Variants in MTR observed in about 807,000 individuals in gnomAD.
The protein encoded by MTR is methionine synthase.
A neutral mutation model predicts 154.8 loss-of-function variants in MTR; 84 were observed. The ratio of observed to expected loss-of-function variants is 0.54; its 90% CI spans 0.45 to 0.65. The LOEUF (loss-of-function observed/expected upper bound fraction) is 0.65. MTR is among the 30% of genes least tolerant of loss of function. MTR has a pLI of 0.00. For missense variants in MTR, 1,275 were observed against 1,570.2 expected (o/e 0.81, Z 3.18); for synonymous variants, 554 against 553.9 (o/e 1.00, Z 0.00).
intron 30 of MTR, 157 bp downstream of exon 30, chr1:236,894,714 T>A: frequency 1.5e-6 from 1 of 682,246 alleles, no homozygotes; most frequent in Non-Finnish European, 2.4e-6. Flanking sequence ...ATACGTATTT[T>A]AATATTATGT....
At position 236,795,733 on chromosome 1, in the gene MTR, A is replaced by G. The variant is rs1660337286; in HGVS notation, c.30A>G (p.Gln10=). ...CACCCGCGCTCCAAGACCTGTCGCA[A>G]CCCGGTAACGCTGCGACCCCGTCTG... MSPALQDLS[Q]PEGLKKTLRD... Residue 10 remains glutamine (Q), a synonymous_variant, in exon 1 of 33, where the codon CAA becomes CAG. Transcript: ENST00000366577. 3 of 1,614,024 alleles carry G rather than the reference A, an allele frequency of 1.9e-6. No individual in the cohort carries two copies. Among genetic ancestry groups the G allele is most frequent in the Admixed American group, 1.7e-5 (1 of 60,010 alleles).
At chr1:236,825,828 A>G (rs1029245655) in intron 10 of MTR, among the ~76,000 whole-genome samples, 2 of 152,090 alleles carry the variant, frequency 1.3e-5, no homozygotes, top group Non-Finnish European at 2.9e-5. Flanking sequence ...AGACCATACT[A>G]TCCACTGCTG....
At chr1:236,816,241 G>C (rs957472971) in intron 7 of MTR, among the ~76,000 whole-genome samples, 3 of 151,934 alleles carry the variant, frequency 2.0e-5, no homozygotes, top group Admixed American at 1.3e-4. Context: ...CCTTGTCTCT[G>C]TTTCTGTGGC....
At chr1:236,891,619 C>G (rs1212891257) in intron 29 of MTR, among the ~76,000 whole-genome samples, 1 of 152,160 alleles carries the variant, frequency 6.6e-6, no homozygotes, top group Non-Finnish European at 1.5e-5. Flanking sequence ...GGTCACGTGT[C>G]AGGATCTCAG....
In MTR at chr1:236,898,213, A is replaced by G. The variant is rs1666767699; in HGVS notation, c.*569A>G. The G allele has an allele frequency of 6.5e-6, 1 of 154,612 alleles. No homozygotes were observed. Among genetic ancestry groups the G allele is most frequent in the Admixed American group, 6.4e-5 (1 of 15,676 alleles). 9.6% of individuals were successfully genotyped at this position (154,612 alleles called of 1,614,324 possible). ...TGCAGAACTCCCTTTGGCAAAAGGC[A>G]TGCGCTCACTGCTTGCTTGTCAGAA... On this transcript the variant is annotated 3_prime_UTR_variant, in exon 33 of 33. Coordinates refer to ENST00000366577, the MANE Select transcript of MTR (RefSeq NM_000254.3).
intron 15 of MTR, among the ~76,000 whole-genome samples, chr1:236,848,937 AC>A (rs1331927735): frequency 6.6e-6 from 1 of 151,868 alleles, no homozygotes; most frequent in African/African-American, 2.4e-5. Flanking sequence ...CCGTGTCCCT[AC>A]CCCCTCATCT....
chr1:236,861,091 C>CTTTTTCTTTTTTTTTTTT, intron 19 of MTR, 34 bp from the exon 20 acceptor site: 5 of 1,415,838 alleles, frequency 3.5e-6, no homozygotes, highest in Non-Finnish European at 4.7e-6. Context: ...TTCTTTCTTT[C>CTTTTTCTTTTTTTTTTTT]TTTTTCTTTT....
intron 30 of MTR, 103 bp downstream of exon 30, chr1:236,894,660 T>C: frequency 1.2e-6 from 1 of 805,704 alleles, no homozygotes. Context: ...ACCAGTGTCT[T>C]TTTTTTTTTT....
rs1553309040 is a variant in MTR at position 236,796,800 on chromosome 1, A to AGTAAG, written c.34+1063_34+1064insGTAAG. On this transcript the variant is annotated intron_variant, in intron 1 of 32. Coordinates refer to ENST00000366577, the MANE Select transcript of MTR (RefSeq NM_000254.3). The stretch of plus-strand genomic sequence containing the variant: ...ATTTATATTTAATATTTAATTAATA[A>AGTAAG]ATGTAAACCTCCCTATAAGAGATTT... 6.6e-5 allele frequency among the ~76,000 whole-genome samples: 10 copies of AGTAAG among 150,832 alleles called. No homozygotes were observed. In the East Asian group the frequency reaches 2.0e-3, roughly 30 times the overall value.
chr1:236,859,876 G>A lies in MTR; in HGVS notation c.1997G>A (p.Trp666Ter), dbSNP rs1396173660. The A allele has an allele frequency of 6.2e-7, 1 of 1,613,938 alleles. No individual in the cohort carries two copies. Among genetic ancestry groups the A allele is most frequent in the East Asian group, 2.2e-5 (1 of 44,888 alleles). ...GGKKVIQTDE[W>*]RNGPVEERLE... ...AAGAAAGTCATTCAGACTGATGAGT[G>A]GAGAAATGGCCCTGTCGAAGAACGC... Residue 666 changes from tryptophan to a stop codon, truncating the protein, a stop_gained, in exon 19 of 33, where the codon TGG (tryptophan) becomes TAG (stop). Transcript: ENST00000366577. LOFTEE classifies it high-confidence loss of function.
At chr1:236,897,447 A>G (rs1666727543) in intron 32 of MTR, 111 bp from the exon 33 acceptor site, 3 of 1,075,316 alleles carry the variant, frequency 2.8e-6, no homozygotes, top group African/African-American at 3.1e-5. Context: ...GTAGATTGCT[A>G]TTAAGACAAG....
intron 25 of MTR, among the ~76,000 whole-genome samples, chr1:236,881,587 C>T (rs1665739103): frequency 6.6e-6 from 1 of 152,014 alleles, no homozygotes; most frequent in Non-Finnish European, 1.5e-5. Flanking sequence ...GTTTGAGAAC[C>T]ACAGATTTAG....
chr1:236,810,131 A>G (rs1487650188), intron 4 of MTR, among the ~76,000 whole-genome samples: 2 of 152,194 alleles, frequency 1.3e-5, no homozygotes, highest in Non-Finnish European at 2.9e-5. Flanking sequence ...ACTTACTGAA[A>G]TGTTTTAGTT....
At chr1:236,824,882 T>C (rs181676940) in intron 9 of MTR, among the ~76,000 whole-genome samples, 1 of 152,248 alleles carries the variant, frequency 6.6e-6, no homozygotes, top group East Asian at 1.9e-4. Flanking sequence ...TGGATTGTTA[T>C]AAGCTGAAGT....
At chr1:236,873,894 C>CT in intron 23 of MTR, 54 bp downstream of exon 23, 1 of 1,518,578 alleles carries the variant, frequency 6.6e-7, no homozygotes, top group Non-Finnish European at 9.1e-7. Context: ...CCCCAGGTGT[C>CT]TGTCATTTCC....
Position 236,891,240 on chromosome 1 carries a change from A to C in MTR, c.3115A>C (p.Ser1039Arg), listed in dbSNP as rs1214329587. 1 of 1,614,156 alleles carries C rather than the reference A, an allele frequency of 6.2e-7. No individual in the cohort carries two copies. Among genetic ancestry groups the C allele is most frequent in the Non-Finnish European group, 8.5e-7 (1 of 1,180,010 alleles). ...RGVVGFWPAQSIQDDIHLYAE... is the reference protein window; with the variant it reads ...RGVVGFWPAQRIQDDIHLYAE... ...TGTGGTTGGGTTCTGGCCAGCACAG[A>C]GTATCCAAGACGACATTCACCTGTA... The change falls in exon 29 of 33, where the codon AGT (serine) becomes CGT (arginine). Residue 1039 changes from serine (S) to arginine (R), a missense_variant. Ser to Arg is a moderately radical substitution (Grantham distance 110). Coordinates refer to ENST00000366577, the MANE Select transcript of MTR (RefSeq NM_000254.3).
chr1:236,878,431 C>T (rs1665550267), intron 24 of MTR, among the ~76,000 whole-genome samples: 1 of 152,034 alleles, frequency 6.6e-6, no homozygotes, highest in African/African-American at 2.4e-5. Flanking sequence ...TATGGCTTTT[C>T]CAGACATCAG....
intron 25 of MTR, 49 bp from the exon 26 acceptor site, chr1:236,885,072 C>A: frequency 8.6e-7 from 1 of 1,158,482 alleles, no homozygotes; most frequent in Non-Finnish European, 1.3e-6. Flanking sequence ...ACCATTACTA[C>A]ACCAGTTTTA....
chr1:236,879,574 G>C (rs999220540), intron 24 of MTR, among the ~76,000 whole-genome samples: 17 of 152,176 alleles, frequency 1.1e-4, no homozygotes, highest in Middle Eastern at 3.2e-3. Context: ...CTAAAGGTGG[G>C]ATGTGGCCAG....
Sources: gnomAD v4.1 joint callset for allele counts (sites outside exome capture counted in the v4.1 genomes callset) on GRCh38, gnomAD v4.1.1 for gene constraint, MANE v1.5 for transcripts, NCBI Gene and HGNC (gene_info 2026-07-23, HGNC 2026-07-21) for gene names.